The following SLC26A11 variants were observed in gnomAD, a reference collection of about 807,000 sequenced individuals.
The protein encoded by SLC26A11 is solute carrier family 26 member 11, also known as sodium-independent sulfate anion transporter.
In SLC26A11, 58 loss-of-function variants were observed where a neutral mutation model predicts 62.2. That is an observed-to-expected ratio of 0.93 (90% CI 0.76 to 1.16). SLC26A11 has a LOEUF of 1.16. SLC26A11 is among the 50% of genes most tolerant of loss of function. The probability of loss-of-function intolerance (pLI) is 0.00; values close to 1 mark genes in which losing one functional copy is unlikely to be tolerated. For missense variants in SLC26A11, 790 were observed against 794.3 expected, an observed-to-expected ratio of 0.99 and a Z score of 0.06; for synonymous variants, 411 against 368.9, an observed-to-expected ratio of 1.11 and a Z score of -1.31.
At chr17:80,236,697 G>A in intron 7 of SLC26A11, 1 of 476,884 alleles carries the variant, frequency 2.1e-6, no homozygotes, top group Non-Finnish European at 3.7e-6. Flanking sequence ...GAGCTTGGCA[G>A]CAGGTGGCAT....
chr17:80,225,852 C>T lies in SLC26A11; in HGVS notation c.529C>T (p.Gln177Ter). The stretch of plus-strand genomic sequence containing the variant: ...GTTTGGACAGAACCTGCTGGGACTA[C>T]AGAACATCCCCAGGCCGTTCTTCCT... ...FGQIKNLLGL[Q>*]NIPRPFFLQV... The change falls in exon 6 of 18, where the codon CAG (glutamine) becomes TAG (stop). Residue 177 changes from glutamine to a stop codon, truncating the protein, a stop_gained. Coordinates refer to ENST00000361193, the MANE Select transcript of SLC26A11 (RefSeq NM_001166347.2). LOFTEE classifies it high-confidence loss of function. 6.2e-7 allele frequency: 1 copy of T among 1,613,992 alleles called. No individual in the cohort carries two copies. Among genetic ancestry groups the T allele is most frequent in the East Asian group, 2.2e-5 (1 of 44,872 alleles).
chr17:80,241,371 C>T (rs1446246417), intron 9 of SLC26A11, among the ~76,000 whole-genome samples: 3 of 152,132 alleles, frequency 2.0e-5, no homozygotes, highest in Non-Finnish European at 2.9e-5. Context: ...ACCATCCTCC[C>T]GCCTCAGCGT....
rs1453852610 is a variant in SLC26A11 at position 80,248,139 on chromosome 17, T to G, written c.1304T>G (p.Leu435Arg). 4 of 1,603,324 alleles carry G rather than the reference T, an allele frequency of 2.5e-6. No homozygotes were observed. Among genetic ancestry groups the G allele is most frequent in the Non-Finnish European group, 3.4e-6 (4 of 1,179,664 alleles). The change falls in exon 14 of 18, where the codon CTG becomes CGG. Residue 435 changes from leucine to arginine, a missense_variant. Coordinates refer to ENST00000361193, the MANE Select transcript of SLC26A11 (RefSeq NM_001166347.2). Reference protein sequence around the residue: ...RTLWRVKRLDLLPLCVTFLLC... With the variant: ...RTLWRVKRLDRLPLCVTFLLC... ...TGTGCCCTTCTCCTAGGGCTGGACC[T>G]GCTGCCCCTGTGCGTGACCTTCCTG...
chr17:80,225,110 A>G (rs1465796642), intron 5 of SLC26A11, among the ~76,000 whole-genome samples: 6 of 151,984 alleles, frequency 3.9e-5, no homozygotes, highest in Non-Finnish European at 8.8e-5. Flanking sequence ...CCGAGGTGGG[A>G]GGATCACTGG....
At chr17:80,234,431 G>GT (rs1412662291) in intron 7 of SLC26A11, among the ~76,000 whole-genome samples, 2 of 151,744 alleles carry the variant, frequency 1.3e-5, no homozygotes, top group African/African-American at 4.8e-5. Context: ...TTTATCACTG[G>GT]TTTTAGGCAG....
In SLC26A11 at chr17:80,252,648, G is replaced by A; in HGVS notation, c.1753G>A (p.Gly585Arg). 3 of 1,613,996 alleles carry A rather than the reference G, an allele frequency of 1.9e-6. No individual in the cohort carries two copies. Among genetic ancestry groups the A allele is most frequent in the Non-Finnish European group, 1.7e-6 (2 of 1,179,964 alleles). ...EAEKHLRQEP[G>R]TQPYNIREDS... ...AGAGAAGCACCTGAGGCAGGAGCCA[G>A]GGACCCAGCCCTACAACATCAGAGA... The change falls in exon 18 of 18, where the codon GGG becomes AGG. Residue 585 changes from glycine to arginine, a missense_variant. By Grantham distance (125) the Gly-to-Arg change is moderately radical (BLOSUM62 -2). Transcript: ENST00000361193. The surrounding 1 kb of genome is among the most constrained non-coding windows in gnomAD (Gnocchi z 5.2).
chr17:80,251,215 G>A (rs1344136243), intron 16 of SLC26A11, 114 bp from the exon 17 acceptor site: 1 of 1,606,664 alleles, frequency 6.2e-7, no homozygotes, highest in East Asian at 2.2e-5. Flanking sequence ...TCACTGGTAT[G>A]GAGGTGAAGC....
rs1238116885 is a variant in SLC26A11, at chr17:80,222,925, G to C, written c.427+78G>C. ...GTTTGCATTTCAAGTCTATCCCCGT[G>C]TGCGTGTGTGTGCGTGTTGGGGTGT... On this transcript the variant is annotated intron_variant, in intron 4 of 17. Coordinates refer to ENST00000361193, the MANE Select transcript of SLC26A11 (RefSeq NM_001166347.2). This position sits in a 1 kb window ranked among gnomAD's most constrained non-coding sequence, Gnocchi z 4.7. 3.6e-5 allele frequency: 52 copies of C among 1,429,734 alleles called. No homozygotes were observed. Among genetic ancestry groups the C allele is most frequent in the Non-Finnish European group, 4.7e-5 (50 of 1,058,254 alleles). The allele number at this position is 1,429,734 out of a possible 1,614,324, so 88.6% of individuals were successfully genotyped here.
Position 80,249,146 on chromosome 17 carries a change from C to T in SLC26A11, c.1523-8C>T. 1.9e-6 allele frequency: 3 copies of T among 1,603,488 alleles called. No individual in the cohort carries two copies. Among genetic ancestry groups the T allele is most frequent in the Non-Finnish European group, 2.5e-6 (3 of 1,178,996 alleles). ...GTGGCGTGACCTGGCTCGGGCCTGT[C>T]TCCCCAGTGTCCCCGCCACGCTGCC... On this transcript the variant is annotated splice_region_variant and splice_polypyrimidine_tract_variant and intron_variant, in intron 15 of 17. Coordinates refer to ENST00000361193, the MANE Select transcript of SLC26A11 (RefSeq NM_001166347.2).
chr17:80,224,278 TGCGTGTGTGA>T (rs1249360988), intron 5 of SLC26A11, among the ~76,000 whole-genome samples: 18 of 126,080 alleles, frequency 1.4e-4, no homozygotes, highest in South Asian at 1.1e-3. Context: ...TGTGAGTGAG[TGCGTGTGTGA>T]GTGAGTGTGC....
chr17:80,238,936 A>G lies in SLC26A11; in HGVS notation c.985+1342A>G, dbSNP rs1180029759. Among the ~76,000 whole-genome samples the G allele has an allele frequency of 2.8e-5, 4 of 142,666 alleles. No homozygotes were observed. In the East Asian group the frequency reaches 8.4e-4, roughly 30 times the overall value. 93.6% of individuals were successfully genotyped at this position (142,666 alleles called of 152,430 possible). ...CGCTTCCCAGGTTTAAGCAATTCTC[A>G]TGCCTCAGTCTCCCAGGTAGCTGGG... is the stretch of plus-strand genomic sequence containing the variant. On this transcript the variant is annotated intron_variant, in intron 9 of 17. Transcript: ENST00000361193.
At chr17:80,226,724 A>G (rs1240758672) in intron 6 of SLC26A11, among the ~76,000 whole-genome samples, 1 of 152,186 alleles carries the variant, frequency 6.6e-6, no homozygotes, top group Non-Finnish European at 1.5e-5. Context: ...CCCCCCGAAA[A>G]GAAAAGCCTC....
At position 80,246,255 on chromosome 17, in the gene SLC26A11, G is replaced by A. The variant is rs758652476; in HGVS notation, c.1153+46G>A. On this transcript the variant is annotated intron_variant, in intron 12 of 17. Coordinates refer to ENST00000361193, the MANE Select transcript of SLC26A11 (RefSeq NM_001166347.2). This position sits in a 1 kb window ranked among gnomAD's most constrained non-coding sequence, Gnocchi z 4.4. ...CTTGTGCCCGCAGCCCTGAGAGTGG[G>A]AGAAAGGGAGGAGGGGGCCCACAGA... 2 of 1,584,696 alleles carry A rather than the reference G, an allele frequency of 1.3e-6. No homozygotes were observed. The highest frequency in any genetic ancestry group is 1.7e-6 in the Non-Finnish European group (2 of 1,166,528).
chr17:80,222,417 C>T lies in SLC26A11; in HGVS notation c.235-238C>T, dbSNP rs2042247496. The T allele has an allele frequency of 8.1e-6, 4 of 495,056 alleles. No individual in the cohort carries two copies. In the South Asian group the frequency reaches 1.1e-4, roughly 14 times the overall value. 30.7% of individuals were successfully genotyped at this position (495,056 alleles called of 1,614,324 possible). On this transcript the variant is annotated intron_variant, in intron 3 of 17. Coordinates refer to ENST00000361193, the MANE Select transcript of SLC26A11 (RefSeq NM_001166347.2). This position sits in a 1 kb window ranked among gnomAD's most constrained non-coding sequence, Gnocchi z 4.7. Reference sequence around the variant, plus strand: ...AATGCTTCCTCAGACTTGGACACAGCACACGGGCCTGCACCGACCCCTCTG... The same window carrying T: ...AATGCTTCCTCAGACTTGGACACAGTACACGGGCCTGCACCGACCCCTCTG...
rs2043058964 is a variant in SLC26A11, at chr17:80,248,180, G to T, written c.1345G>T (p.Val449Leu). The part of the protein sequence containing the change: ...CVTFLLCFWE[V>L]QYGILAGALV... ...GACCTTCCTGCTGTGCTTCTGGGAG[G>T]TGCAGTACGGCATCCTGGCCGGGGC... The change falls in exon 14 of 18, where the codon GTG becomes TTG. Residue 449 changes from valine (V) to leucine (L), a missense_variant. Val to Leu is a conservative substitution (Grantham distance 32). Coordinates refer to ENST00000361193, the MANE Select transcript of SLC26A11 (RefSeq NM_001166347.2). 2 of 1,608,374 alleles carry T rather than the reference G, an allele frequency of 1.2e-6. No individual in the cohort carries two copies. The highest frequency in any genetic ancestry group is 1.1e-5 in the South Asian group (1 of 90,958).
rs140113501 is a variant in SLC26A11, at chr17:80,246,605, C to T, written c.1250C>T (p.Pro417Leu). ...LAAVIIMAVA[P>L]LFDTKIFRTL... Reference sequence around the variant, plus strand: ...GCCGTCATCATCATGGCCGTGGCCCCGCTGTTCGACACCAAGATCTTCAGG... The same window carrying T: ...GCCGTCATCATCATGGCCGTGGCCCTGCTGTTCGACACCAAGATCTTCAGG... Residue 417 changes from proline (P) to leucine (L), a missense_variant, in exon 13 of 18, where the codon CCG (proline) becomes CTG (leucine). By Grantham distance (98) the Pro-to-Leu change is moderately conservative. Coordinates refer to ENST00000361193, the MANE Select transcript of SLC26A11 (RefSeq NM_001166347.2). This position sits in a 1 kb window ranked among gnomAD's most constrained non-coding sequence, Gnocchi z 4.4. 109 of 1,613,816 alleles carry T rather than the reference C, an allele frequency of 6.8e-5. No homozygotes were observed. The highest frequency in any genetic ancestry group is 1.6e-4 in the Middle Eastern group (1 of 6,084).
In SLC26A11 at chr17:80,223,206, C is replaced by T. The variant is rs750061094; in HGVS notation, c.428-46C>T. 1.0e-5 allele frequency: 16 copies of T among 1,560,660 alleles called. No individual in the cohort carries two copies. The South Asian group carries it at 1.5e-4, about 14-fold the overall frequency. On this transcript the variant is annotated intron_variant, in intron 4 of 17. Coordinates refer to ENST00000361193, the MANE Select transcript of SLC26A11 (RefSeq NM_001166347.2). This position sits in a 1 kb window ranked among gnomAD's most constrained non-coding sequence, Gnocchi z 4.6. Reference sequence around the variant, plus strand: ...TCACATCTCCCCTCATCCTCTGGGACTGGGTGGAGCCGGGACCAGCTCGAT... The same window carrying T: ...TCACATCTCCCCTCATCCTCTGGGATTGGGTGGAGCCGGGACCAGCTCGAT...
chr17:80,224,299 GTGTGTGTGTGAGAGA>G (rs2042321224), intron 5 of SLC26A11, among the ~76,000 whole-genome samples: 1 of 130,224 alleles, frequency 7.7e-6, no homozygotes, highest in Non-Finnish European at 1.5e-5. Flanking sequence ...GTGAGTGTGC[GTGTGTGTGTGAGAGA>G]GTGTGAGTGT....
At chr17:80,221,513 T>C in intron 2 of SLC26A11, 35 bp from the exon 3 acceptor site, 1 of 1,452,872 alleles carries the variant, frequency 6.9e-7, no homozygotes, top group Non-Finnish European at 9.2e-7. Flanking sequence ...AAGGCCACGC[T>C]CTGACTGCTG....
Sources: gnomAD v4.1 joint callset for allele counts (sites outside exome capture counted in the v4.1 genomes callset) on GRCh38, gnomAD v4.1.1 for gene constraint, Gnocchi (gnomAD v3.1) non-coding constraint, MANE v1.5 for transcripts, NCBI Gene and HGNC (gene_info 2026-07-23, HGNC 2026-07-21) for gene names.